EBF1: variants seen among roughly 807,000 people sequenced by gnomAD.
EBF1 encodes the protein EBF transcription factor 1, also known as transcription factor COE1.
Under a neutral mutation model 68.4 loss-of-function variants are expected in EBF1, and 10 were observed. The observed-to-expected ratio is 0.15, with a 90% confidence interval of 0.09 to 0.25. EBF1 has a LOEUF of 0.25. Ranked by LOEUF, EBF1 falls within the 10% of genes least tolerant of loss-of-function variation. The probability of loss-of-function intolerance (pLI) is 1.00; values close to 1 mark genes in which losing one functional copy is unlikely to be tolerated. For synonymous variants in EBF1, 298 were observed against 299.8 expected (o/e 0.99, Z 0.06); for missense variants, 509 against 794.4 (o/e 0.64, Z 4.32).
intron 8 of EBF1, among the ~76,000 whole-genome samples, chr5:158,810,169 A>G (rs574411618): frequency 1.3e-5 from 2 of 152,290 alleles, no homozygotes; most frequent in East Asian, 1.9e-4. Context: ...AAGACCAAAG[A>G]TATATTTTCT....
chr5:158,729,508 G>A (rs147161368), intron 11 of EBF1, among the ~76,000 whole-genome samples: 1 of 152,298 alleles, frequency 6.6e-6, no homozygotes, highest in East Asian at 1.9e-4. Flanking sequence ...ATTACCAGTT[G>A]TCCCATAGGA....
At chr5:158,741,213 G>A (rs1766314539) in intron 10 of EBF1, among the ~76,000 whole-genome samples, 1 of 152,078 alleles carries the variant, frequency 6.6e-6, no homozygotes, top group Non-Finnish European at 1.5e-5. Context: ...GTTTTCACGT[G>A]GCACTTTTTT....
At chr5:158,908,781 G>A (rs773961424) in intron 6 of EBF1, among the ~76,000 whole-genome samples, 2 of 152,214 alleles carry the variant, frequency 1.3e-5, no homozygotes, top group East Asian at 1.9e-4. Context: ...TGGAAACCTC[G>A]GTGATTGGCA....
At chr5:158,929,316 C>T (rs752071525) in intron 6 of EBF1, among the ~76,000 whole-genome samples, 41 of 152,202 alleles carry the variant, frequency 2.7e-4, no homozygotes, top group East Asian at 5.8e-4. Flanking sequence ...AGGCATCAGG[C>T]GACAAAGCTT....
At chr5:159,078,452 C>T (rs571663069) in intron 5 of EBF1, among the ~76,000 whole-genome samples, 1 of 152,304 alleles carries the variant, frequency 6.6e-6, no homozygotes, top group Admixed American at 6.5e-5. Context: ...AAAGAAATCA[C>T]AATGATAATT....
intron 6 of EBF1, among the ~76,000 whole-genome samples, chr5:158,916,822 G>A (rs996609639): frequency 5.3e-5 from 8 of 152,004 alleles, no homozygotes; most frequent in African/African-American, 1.2e-4. Flanking sequence ...AATTGTCTGC[G>A]TGCATTGTCC....
intron 6 of EBF1, among the ~76,000 whole-genome samples, chr5:158,969,806 GAGAA>G (rs1755004060): frequency 7.2e-6 from 1 of 138,940 alleles, no homozygotes; most frequent in African/African-American, 2.7e-5. Context: ...AAGAGAGAGA[GAGAA>G]AGAAAGGAAA....
chr5:158,944,829 GC>G (rs1180372048), intron 6 of EBF1, among the ~76,000 whole-genome samples: 1 of 152,188 alleles, frequency 6.6e-6, no homozygotes, highest in African/African-American at 2.4e-5. Flanking sequence ...GCGATGATGA[GC>G]TTTTATTCAT....
intron 6 of EBF1, among the ~76,000 whole-genome samples, chr5:158,844,444 C>T (rs1791002305): frequency 6.6e-6 from 1 of 152,088 alleles, no homozygotes; most frequent in African/African-American, 2.4e-5. Flanking sequence ...AGTCAACAAC[C>T]AATCTCGTAA....
At chr5:158,837,138 C>T (rs1381925920) in intron 7 of EBF1, among the ~76,000 whole-genome samples, 3 of 152,158 alleles carry the variant, frequency 2.0e-5, no homozygotes. Flanking sequence ...CCTCTCTCCA[C>T]CAGGGGACAT....
At chr5:158,823,721 C>T (rs1226862453) in intron 7 of EBF1, among the ~76,000 whole-genome samples, 1 of 152,102 alleles carries the variant, frequency 6.6e-6, no homozygotes, top group Non-Finnish European at 1.5e-5. Context: ...AAATATTTCT[C>T]CCCACTGTGT....
chr5:159,073,288 G>T, intron 6 of EBF1, 108 bp downstream of exon 6: 2 of 1,176,104 alleles, frequency 1.7e-6, no homozygotes, highest in Non-Finnish European at 1.2e-6. Context: ...TGACCAACAG[G>T]CAAATTTCAG....
At position 158,843,427 on chromosome 5, in the gene EBF1, G is replaced by A. The variant is rs529621598; in HGVS notation, c.555-3317C>T. 1.6e-4 allele frequency among the ~76,000 whole-genome samples: 25 copies of A among 152,318 alleles called. No individual in the cohort carries two copies. In the East Asian group the frequency reaches 2.5e-3, roughly 15 times the overall value. ...CCTCAAAGATGAGCTGGGGCAGGGC[G>A]CCTGTCAGCAGCCCATCGTTAGCAC... On this transcript the variant is annotated intron_variant, in intron 6 of 15. Transcript: ENST00000313708.
Position 158,840,043 on chromosome 5 carries a change from T to C in EBF1, c.622A>G (p.Met208Val). 6.2e-7 allele frequency: 1 copy of C among 1,614,116 alleles called. No homozygotes were observed. Among genetic ancestry groups the C allele is most frequent in the Non-Finnish European group, 8.5e-7 (1 of 1,179,944 alleles). The change falls in exon 7 of 16, where the codon ATG (methionine) becomes GTG (valine). Residue 208 changes from methionine (M) to valine (V), a missense_variant. By Grantham distance (21) the Met-to-Val change is conservative (BLOSUM62 1). Coordinates refer to ENST00000313708, the MANE Select transcript of EBF1 (RefSeq NM_024007.5). ...GTCAGACCCACCTGGAATCTCCGCA[T>C]GTCACGTGGGTTTCCCGCATTCTTT... is the stretch of plus-strand genomic sequence containing the variant. ...CLKNAGNPRD[M>V]RRFQVVVSTT...
intron 6 of EBF1, among the ~76,000 whole-genome samples, chr5:158,936,611 C>A (rs941726425): frequency 6.6e-6 from 1 of 152,202 alleles, no homozygotes; most frequent in Non-Finnish European, 1.5e-5. Context: ...CAATCCACAA[C>A]AAGAATGAGA....
intron 6 of EBF1, among the ~76,000 whole-genome samples, chr5:159,040,056 C>A (rs1770864892): frequency 6.6e-6 from 1 of 152,110 alleles, no homozygotes; most frequent in African/African-American, 2.4e-5. Flanking sequence ...TTAAAGACTC[C>A]ACAAACACAA....
At chr5:158,911,253 T>C (rs545835355) in intron 6 of EBF1, among the ~76,000 whole-genome samples, 1 of 152,326 alleles carries the variant, frequency 6.6e-6, no homozygotes, top group African/African-American at 2.4e-5. Context: ...TTAGACCTTC[T>C]TCAGCGTACT....
intron 11 of EBF1, among the ~76,000 whole-genome samples, chr5:158,719,514 T>C (rs1761490881): frequency 6.6e-6 from 1 of 152,140 alleles, no homozygotes; most frequent in Non-Finnish European, 1.5e-5. Context: ...TCTGTGGGAG[T>C]CCTTCTCTTT....
chr5:158,827,795 C>T (rs1192200093), intron 7 of EBF1, among the ~76,000 whole-genome samples: 4 of 152,112 alleles, frequency 2.6e-5, no homozygotes, highest in Non-Finnish European at 5.9e-5. Flanking sequence ...CAAAAGCAAC[C>T]CAACATGTTG....
Sources: allele counts gnomAD v4.1 joint callset (sites outside exome capture counted in the v4.1 genomes callset), GRCh38; gene constraint gnomAD v4.1.1; transcripts MANE v1.5; gene names NCBI Gene and HGNC (gene_info 2026-07-23, HGNC 2026-07-21).